THRB: variants seen among roughly 807,000 people sequenced by gnomAD.
The protein encoded by THRB is thyroid hormone receptor beta.
Under a neutral mutation model 47.8 loss-of-function variants are expected in THRB, and 12 were observed. The ratio of observed to expected loss-of-function variants is 0.25; its 90% CI spans 0.16 to 0.41. The LOEUF (loss-of-function observed/expected upper bound fraction) is 0.41. Among genes scored for constraint, THRB ranks in the 10% least tolerant of loss-of-function variants. THRB has a pLI of 1.00. For synonymous variants in THRB, 218 were observed against 212.2 expected, an observed-to-expected ratio of 1.03 and a Z score of -0.24; for missense variants, 348 against 589.2, an observed-to-expected ratio of 0.59 and a Z score of 4.24.
chr3:24,449,318 A>T (rs2072413688), intron 1 of THRB, among the ~76,000 whole-genome samples: 1 of 152,140 alleles, frequency 6.6e-6, no homozygotes, highest in Non-Finnish European at 1.5e-5. Flanking sequence ...AGGGAAGGTC[A>T]CTTTCATATT....
At chr3:24,187,220 G>C (rs2042707118) in intron 5 of THRB, among the ~76,000 whole-genome samples, 1 of 152,156 alleles carries the variant, frequency 6.6e-6, no homozygotes, top group Non-Finnish European at 1.5e-5. Flanking sequence ...CACTGATCAT[G>C]CATTTGGATG....
intron 5 of THRB, among the ~76,000 whole-genome samples, chr3:24,160,708 G>C (rs6788387): frequency 0.52 from 78,630 of 152,004 alleles, 21,088 homozygotes; most frequent in African/African-American, 0.66. Context: ...AAAAGCTGGA[G>C]CAGAGTGGGT....
chr3:24,357,365 A>C (rs1212796963), intron 1 of THRB, among the ~76,000 whole-genome samples: 13 of 147,414 alleles, frequency 8.8e-5, no homozygotes, highest in South Asian at 2.1e-4. Flanking sequence ...AAAAAAAAAA[A>C]AAAAAAAAAC....
At chr3:24,207,293 C>T (rs1184566966) in intron 4 of THRB, among the ~76,000 whole-genome samples, 1 of 152,166 alleles carries the variant, frequency 6.6e-6, no homozygotes, top group Non-Finnish European at 1.5e-5. Context: ...AAAGCTTACC[C>T]ACCATGATCA....
rs58676050 is a variant in THRB, at chr3:24,395,002, C to T, written c.-260-57631G>A. The stretch of plus-strand genomic sequence containing the variant: ...TTATTGGCATAGATGCCTCATGAGC[C>T]ATGCCCCATGAAGTTTGTCACATTG... On this transcript the variant is annotated intron_variant, in intron 1 of 10. Coordinates refer to ENST00000646209, the MANE Select transcript of THRB (RefSeq NM_001354712.2). 7.2e-3 allele frequency among the ~76,000 whole-genome samples: 1,100 copies of T among 152,192 alleles called. 12 individuals are homozygous for T. Among genetic ancestry groups the T allele is most frequent in the African/African-American group, 0.025 (1,049 of 41,554 alleles).
chr3:24,347,686 T>C (rs1457409781), intron 1 of THRB, among the ~76,000 whole-genome samples: 1 of 151,132 alleles, frequency 6.6e-6, no homozygotes, highest in Admixed American at 6.6e-5. Flanking sequence ...AATAAAAAGA[T>C]AAGGGGATAC....
chr3:24,466,343 T>C (rs1000920284), intron 1 of THRB, among the ~76,000 whole-genome samples: 3 of 152,178 alleles, frequency 2.0e-5, no homozygotes, highest in Admixed American at 6.5e-5. Flanking sequence ...TAGATTGATA[T>C]GGTTGGGCAG....
Position 24,470,172 on chromosome 3 carries a change from A to T in THRB, c.-261+24480T>A, listed in dbSNP as rs140349954. On this transcript the variant is annotated intron_variant, in intron 1 of 10. Transcript: ENST00000646209. ...CCTAGCTTTGCTTGAATATCACAGA[A>T]CTCTAAACACCAGACGCTAGATAGG... Among the ~76,000 whole-genome samples the T allele has an allele frequency of 6.2e-4, 94 of 152,222 alleles. No individual in the cohort carries two copies. In the East Asian group the frequency reaches 0.012, roughly 20 times the overall value.
At chr3:24,198,465 CCTT>C (rs2044236051) in intron 4 of THRB, among the ~76,000 whole-genome samples, 1 of 61,862 alleles carries the variant, frequency 1.6e-5, no homozygotes. Flanking sequence ...CCCCCCCCCC[CCTT>C]TTTTTTTTAA....
chr3:24,207,882 A>G (rs1371352694), intron 4 of THRB, among the ~76,000 whole-genome samples: 10 of 152,200 alleles, frequency 6.6e-5, no homozygotes, highest in Admixed American at 5.2e-4. Context: ...ATGGTATTCA[A>G]TTAGGAAAAG....
intron 2 of THRB, among the ~76,000 whole-genome samples, chr3:24,317,099 A>G (rs1435387247): frequency 6.6e-6 from 1 of 152,164 alleles, no homozygotes; most frequent in Non-Finnish European, 1.5e-5. Flanking sequence ...TGCTGAATGA[A>G]CTTTGTTCCT....
chr3:24,296,880 G>C (rs542482120), intron 3 of THRB, among the ~76,000 whole-genome samples: 1 of 152,228 alleles, frequency 6.6e-6, no homozygotes, highest in African/African-American at 2.4e-5. Flanking sequence ...TCCTGCCGAA[G>C]AGCCCTTTAG....
chr3:24,273,084 C>T (rs867621103), intron 3 of THRB, among the ~76,000 whole-genome samples: 2 of 152,122 alleles, frequency 1.3e-5, no homozygotes, highest in African/African-American at 2.4e-5. Context: ...CAAATGTACA[C>T]GTGCTTTTTC....
Position 24,212,335 on chromosome 3 carries a change from T to A in THRB, c.22+16603A>T, listed in dbSNP as rs183901153. On this transcript the variant is annotated intron_variant, in intron 4 of 10. Transcript: ENST00000646209. ...ATCGCTTGAACCTGGGAGGCGGAGGTTGTAGGGAGCCGAGATCGCTCCCTT... is the reference window on the plus strand; with the variant it reads ...ATCGCTTGAACCTGGGAGGCGGAGGATGTAGGGAGCCGAGATCGCTCCCTT... 2.1e-3 allele frequency among the ~76,000 whole-genome samples: 315 copies of A among 151,038 alleles called. 3 individuals are homozygous for A. The highest frequency in any genetic ancestry group is 7.4e-3 in the African/African-American group (304 of 41,190).
At chr3:24,296,085 T>G (rs907460443) in intron 3 of THRB, among the ~76,000 whole-genome samples, 3 of 152,190 alleles carry the variant, frequency 2.0e-5, no homozygotes, top group Non-Finnish European at 4.4e-5. Flanking sequence ...TTTCCTACAT[T>G]TGCCTCTGTA....
chr3:24,454,829 A>G (rs537730479), intron 1 of THRB, among the ~76,000 whole-genome samples: 1 of 152,232 alleles, frequency 6.6e-6, no homozygotes, highest in Non-Finnish European at 1.5e-5. Context: ...GAAAGAAAAC[A>G]TACTCGGAAA....
intron 2 of THRB, among the ~76,000 whole-genome samples, chr3:24,299,708 G>GTACATCTGAA (rs1377974924): frequency 3.4e-5 from 5 of 146,800 alleles, no homozygotes; most frequent in African/African-American, 1.3e-4. Context: ...TTTATCATCA[G>GTACATCTGAA]TACATCTGAA....
intron 4 of THRB, among the ~76,000 whole-genome samples, chr3:24,206,331 C>T (rs1246701369): frequency 6.6e-6 from 1 of 152,168 alleles, no homozygotes; most frequent in Non-Finnish European, 1.5e-5. Flanking sequence ...CAAATTAGAA[C>T]TCAGGATTAA....
At chr3:24,332,179 T>G (rs1248814350) in intron 2 of THRB, among the ~76,000 whole-genome samples, 3 of 152,114 alleles carry the variant, frequency 2.0e-5, no homozygotes, top group East Asian at 1.9e-4. Flanking sequence ...TAGTAATGGG[T>G]GCCTTTTTCT....
Sources: gnomAD v4.1 joint callset for allele counts (sites outside exome capture counted in the v4.1 genomes callset) on GRCh38, gnomAD v4.1.1 for gene constraint, MANE v1.5 for transcripts, NCBI Gene and HGNC (gene_info 2026-07-23, HGNC 2026-07-21) for gene names.